MLIP: variants seen among roughly 807,000 people sequenced by gnomAD.
MLIP encodes muscular LMNA interacting protein, also known as muscular LMNA-interacting protein.
Under a neutral mutation model 84.8 loss-of-function variants are expected in MLIP, and 79 were observed. The observed-to-expected ratio is 0.93, with a 90% CI of 0.78 to 1.12. The LOEUF (loss-of-function observed/expected upper bound fraction) is 1.12, where lower values mean the gene tolerates loss of function less well. Among genes scored for constraint, MLIP ranks in the 50% most tolerant of loss-of-function variants. MLIP has a pLI of 0.00. For missense variants in MLIP, 1,257 were observed against 1,160.6 expected, an observed-to-expected ratio of 1.08 and a Z score of -1.21; for synonymous variants, 504 against 463.0, an observed-to-expected ratio of 1.09 and a Z score of -1.14.
Position 54,212,822 on chromosome 6 carries a change from C to T in MLIP, c.2718+10589C>T, listed in dbSNP as rs531655154. ...TGTGTATGCAAAAGATGATTAAATA[C>T]ACACACATACATATTTAGTGGTTTT... On this transcript the variant is annotated intron_variant, in intron 11 of 13. Coordinates refer to ENST00000502396, the MANE Select transcript of MLIP (RefSeq NM_001281747.2). Among the ~76,000 whole-genome samples the T allele has an allele frequency of 7.9e-5, 12 of 152,274 alleles. No individual in the cohort carries two copies. In the East Asian group the frequency reaches 1.9e-3, roughly 24 times the overall value.
At chr6:54,135,181 C>T (rs2150477565) in intron 3 of MLIP, among the ~76,000 whole-genome samples, 1 of 152,226 alleles carries the variant, frequency 6.6e-6, no homozygotes, top group East Asian at 1.9e-4. Flanking sequence ...GTTACATAAA[C>T]ATTGGCTAAG....
At chr6:54,209,485 T>G (rs2150736303) in intron 11 of MLIP, among the ~76,000 whole-genome samples, 1 of 152,178 alleles carries the variant, frequency 6.6e-6, no homozygotes, top group South Asian at 2.1e-4. Context: ...AAACCCCAAT[T>G]TTTTTGAAAA....
chr6:54,025,918 A>G (rs1205914082), intron 1 of MLIP, among the ~76,000 whole-genome samples: 2 of 152,172 alleles, frequency 1.3e-5, no homozygotes, highest in Non-Finnish European at 2.9e-5. Context: ...TCATTGGTAT[A>G]TTTTAAATTT....
chr6:54,246,753 C>A (rs928356546), intron 12 of MLIP, among the ~76,000 whole-genome samples: 15 of 152,042 alleles, frequency 9.9e-5, no homozygotes, highest in African/African-American at 3.1e-4. Flanking sequence ...TGGTCCTTAA[C>A]TTAAGGTCTG....
At chr6:54,219,370 C>CTTTT (rs5876371) in intron 11 of MLIP, among the ~76,000 whole-genome samples, 6 of 77,508 alleles carry the variant, frequency 7.7e-5, no homozygotes, top group South Asian at 4.2e-4. Context: ...ACATTTTAAA[C>CTTTT]TTTTTTTTTT....
chr6:54,228,213 A>AAGAG (rs76721771), intron 11 of MLIP, among the ~76,000 whole-genome samples: 6 of 116,650 alleles, frequency 5.1e-5, no homozygotes, highest in East Asian at 2.5e-4. Context: ...AAAAAAAAAA[A>AAGAG]AGAGAAAGAA....
At chr6:54,181,313 G>A (rs1466189777) in intron 9 of MLIP, among the ~76,000 whole-genome samples, 1 of 152,132 alleles carries the variant, frequency 6.6e-6, no homozygotes. Flanking sequence ...GGGCTGGGGC[G>A]GTGGTCTGCT....
At chr6:54,210,271 G>A (rs1779351346) in intron 11 of MLIP, among the ~76,000 whole-genome samples, 1 of 151,702 alleles carries the variant, frequency 6.6e-6, no homozygotes, top group Non-Finnish European at 1.5e-5. Flanking sequence ...AGTGCTGTAT[G>A]TCCAATTGTT....
intron 12 of MLIP, among the ~76,000 whole-genome samples, chr6:54,238,802 A>T (rs1475243174): frequency 6.6e-6 from 1 of 152,166 alleles, no homozygotes; most frequent in Admixed American, 6.5e-5. Flanking sequence ...ATCCTTGAGG[A>T]TATTTTTTCT....
At chr6:54,097,836 A>G (rs1250418261) in intron 1 of MLIP, among the ~76,000 whole-genome samples, 5 of 152,292 alleles carry the variant, frequency 3.3e-5, no homozygotes, top group Non-Finnish European at 7.4e-5. Context: ...TTCAGGAAGG[A>G]AGACAATTGA....
chr6:54,149,271 G>A, intron 5 of MLIP, 144 bp downstream of exon 5: 1 of 736,842 alleles, frequency 1.4e-6, no homozygotes. Flanking sequence ...GGATGATGTG[G>A]TGAAAACATT....
intron 3 of MLIP, among the ~76,000 whole-genome samples, chr6:54,127,073 T>C (rs1277250891): frequency 6.6e-6 from 1 of 152,164 alleles, no homozygotes; most frequent in East Asian, 1.9e-4. Context: ...AATGCTTCCT[T>C]CTTTCCCTAG....
Position 54,228,992 on chromosome 6 carries a change from C to G in MLIP, c.2719-1722C>G, listed in dbSNP as rs1218693115. Among the ~76,000 whole-genome samples, 33 of 152,216 alleles carry G rather than the reference C, an allele frequency of 2.2e-4. 1 individual carries two copies. ...CAGAATCATCTTTAATGGACAAGTA[C>G]TGCATATGTTCCATTAAAGCTACCC... On this transcript the variant is annotated intron_variant, in intron 11 of 13. Coordinates refer to ENST00000502396, the MANE Select transcript of MLIP (RefSeq NM_001281747.2).
chr6:54,229,823 A>G (rs1339730539), intron 11 of MLIP, among the ~76,000 whole-genome samples: 4 of 152,160 alleles, frequency 2.6e-5, no homozygotes, highest in Admixed American at 6.5e-5. Flanking sequence ...TCTTTTTAAA[A>G]TAATAAGTAT....
At chr6:54,239,085 T>C (rs1474664406) in intron 12 of MLIP, among the ~76,000 whole-genome samples, 1 of 152,122 alleles carries the variant, frequency 6.6e-6, no homozygotes, top group Non-Finnish European at 1.5e-5. Flanking sequence ...CCTTTCCATT[T>C]GCATATTTCA....
Position 54,078,982 on chromosome 6 carries a change from C to T in MLIP, c.64-42465C>T, listed in dbSNP as rs543369286. 1.2e-3 allele frequency among the ~76,000 whole-genome samples: 187 copies of T among 152,154 alleles called. 1 individual carries two copies. Among genetic ancestry groups the T allele is most frequent in the African/African-American group, 4.2e-3 (175 of 41,516 alleles). On this transcript the variant is annotated intron_variant, in intron 1 of 12. Coordinates refer to the MLIP transcript ENST00000274897. ...CTGGGATTACAGGCATGAACCACCG[C>T]GCCCGGCCCAAGAAATAATTTTCTA...
chr6:54,175,851 T>C (rs1776229657), intron 9 of MLIP, among the ~76,000 whole-genome samples: 2 of 152,072 alleles, frequency 1.3e-5, no homozygotes, highest in Non-Finnish European at 2.9e-5. Flanking sequence ...TCATTCTGTA[T>C]GATTCTAGCT....
chr6:54,142,841 A>G (rs1320214760), intron 4 of MLIP, among the ~76,000 whole-genome samples: 1 of 152,120 alleles, frequency 6.6e-6, no homozygotes, highest in Non-Finnish European at 1.5e-5. Context: ...TAAGATTTCC[A>G]TTATGTTTTG....
intron 11 of MLIP, among the ~76,000 whole-genome samples, chr6:54,209,905 T>C (rs1250199927): frequency 2.6e-5 from 4 of 152,138 alleles, no homozygotes; most frequent in South Asian, 2.1e-4. Flanking sequence ...TTCTTTCTTT[T>C]TTTTTTTTTA....
Sources: allele counts gnomAD v4.1 joint callset (sites outside exome capture counted in the v4.1 genomes callset), GRCh38; gene constraint gnomAD v4.1.1; transcripts MANE v1.5; gene names NCBI Gene and HGNC (gene_info 2026-07-23, HGNC 2026-07-21).